PIK3AP1: variants seen among roughly 807,000 people sequenced by gnomAD.
The protein encoded by PIK3AP1 is phosphoinositide 3-kinase adapter protein 1.
PIK3AP1 carries 21 observed loss-of-function variants against 88.1 expected under a neutral mutation model. That is an observed-to-expected ratio of 0.24 (90% CI 0.17 to 0.34). The LOEUF (loss-of-function observed/expected upper bound fraction) is 0.34, where lower values mean the gene tolerates loss of function less well. Ranked by LOEUF, PIK3AP1 falls within the 10% of genes least tolerant of loss-of-function variation. The probability of loss-of-function intolerance (pLI) is 1.00; values close to 1 mark genes in which losing one functional copy is unlikely to be tolerated. For synonymous variants in PIK3AP1, 398 were observed against 400.0 expected (o/e 1.00, Z 0.06); for missense variants, 828 against 1,035.7 (o/e 0.80, Z 2.75).
At chr10:96,645,880 G>T (rs181851278) in intron 7 of PIK3AP1, among the ~76,000 whole-genome samples, 1 of 151,966 alleles carries the variant, frequency 6.6e-6, no homozygotes, top group Admixed American at 6.6e-5. Flanking sequence ...TTTAATCTTC[G>T]TATCTTCCTA....
chr10:96,610,917 T>C (rs368466450), intron 13 of PIK3AP1, among the ~76,000 whole-genome samples: 8 of 152,168 alleles, frequency 5.3e-5, no homozygotes, highest in African/African-American at 1.9e-4. Flanking sequence ...GCGGTGGCTA[T>C]ACAAACTTGG....
intron 2 of PIK3AP1, among the ~76,000 whole-genome samples, chr10:96,705,579 CTTTT>C (rs57429192): frequency 7.5e-6 from 1 of 133,902 alleles, no homozygotes; most frequent in Non-Finnish European, 1.6e-5. Flanking sequence ...CATTGCATTT[CTTTT>C]TTTTTTTTTT....
intron 12 of PIK3AP1, among the ~76,000 whole-genome samples, chr10:96,618,006 A>G (rs1383755515): frequency 6.6e-6 from 1 of 152,222 alleles, no homozygotes; most frequent in Non-Finnish European, 1.5e-5. Flanking sequence ...AGAGAGGCAG[A>G]GGAAAAGGAA....
intron 2 of PIK3AP1, among the ~76,000 whole-genome samples, chr10:96,687,506 T>C (rs911491245): frequency 6.6e-5 from 10 of 152,068 alleles, no homozygotes; most frequent in African/African-American, 2.4e-4. Context: ...CTCCTGAGAG[T>C]GAATGCCCAA....
intron 8 of PIK3AP1, among the ~76,000 whole-genome samples, chr10:96,643,162 C>T (rs1210606562): frequency 2.6e-5 from 4 of 152,086 alleles, no homozygotes; most frequent in Non-Finnish European, 4.4e-5. Context: ...GGCTAGGGGG[C>T]GCCAGAGGCT....
intron 7 of PIK3AP1, among the ~76,000 whole-genome samples, chr10:96,648,105 A>G (rs1843485352): frequency 6.6e-6 from 1 of 152,160 alleles, no homozygotes; most frequent in Non-Finnish European, 1.5e-5. Flanking sequence ...TGGGCCTTAG[A>G]GTTGCTGCCC....
chr10:96,695,420 G>T, intron 2 of PIK3AP1, among the ~76,000 whole-genome samples: 1 of 152,114 alleles, frequency 6.6e-6, no homozygotes, highest in Non-Finnish European at 1.5e-5. Context: ...CATGTAAAAA[G>T]AAACTTATTT....
At chr10:96,640,754 C>T (rs1843373531) in intron 8 of PIK3AP1, among the ~76,000 whole-genome samples, 1 of 151,872 alleles carries the variant, frequency 6.6e-6, no homozygotes, top group Non-Finnish European at 1.5e-5. Context: ...AACGCCCAGG[C>T]TCAAGCGATT....
intron 2 of PIK3AP1, among the ~76,000 whole-genome samples, chr10:96,705,667 C>G (rs1844351804): frequency 2.7e-5 from 4 of 150,812 alleles, no homozygotes; most frequent in Admixed American, 2.6e-4. Flanking sequence ...ACTGCAGCCT[C>G]AACCTCCAAG....
At chr10:96,688,406 A>C (rs1157989685) in intron 2 of PIK3AP1, among the ~76,000 whole-genome samples, 1 of 152,236 alleles carries the variant, frequency 6.6e-6, no homozygotes, top group Non-Finnish European at 1.5e-5. Context: ...TCCTCAGAAA[A>C]TGTTTATAAC....
intron 10 of PIK3AP1, 126 bp from the exon 11 acceptor site, chr10:96,623,663 C>T (rs1843117965): frequency 1.3e-6 from 1 of 780,212 alleles, no homozygotes; most frequent in South Asian, 1.6e-5. Context: ...TAGAAAGAGG[C>T]AATTAATGAG....
At chr10:96,655,616 T>C (rs569416819) in intron 3 of PIK3AP1, among the ~76,000 whole-genome samples, 1 of 152,154 alleles carries the variant, frequency 6.6e-6, no homozygotes, top group Non-Finnish European at 1.5e-5. Context: ...CAATTCCCAG[T>C]GAGAGGAACC....
At chr10:96,664,388 T>G (rs1340246016) in intron 2 of PIK3AP1, among the ~76,000 whole-genome samples, 1 of 152,178 alleles carries the variant, frequency 6.6e-6, no homozygotes, top group Non-Finnish European at 1.5e-5. Context: ...TCTCCCTCCC[T>G]CCTTCCTTCT....
intron 2 of PIK3AP1, among the ~76,000 whole-genome samples, chr10:96,660,361 A>G (rs920836906): frequency 1.3e-5 from 2 of 152,300 alleles, no homozygotes; most frequent in African/African-American, 2.4e-5. Flanking sequence ...AGCCATCTGT[A>G]TATCTTGAAA....
Position 96,699,137 on chromosome 10 carries a change from T to C in PIK3AP1, c.430+10430A>G, listed in dbSNP as rs193204613. Among the ~76,000 whole-genome samples, 28 of 152,258 alleles carry C rather than the reference T, an allele frequency of 1.8e-4. No individual in the cohort carries two copies. The East Asian group carries it at 5.0e-3, about 27-fold the overall frequency. ...AGGTGGAGGTTGCAGTCAGCCGAGATGGTGCCACTGCACTCCAGCCTGGGA... is the reference window on the plus strand; with the variant it reads ...AGGTGGAGGTTGCAGTCAGCCGAGACGGTGCCACTGCACTCCAGCCTGGGA... On this transcript the variant is annotated intron_variant, in intron 2 of 16. Coordinates refer to ENST00000339364, the MANE Select transcript of PIK3AP1 (RefSeq NM_152309.3).
At chr10:96,708,411 C>T (rs1341357770) in intron 2 of PIK3AP1, among the ~76,000 whole-genome samples, 1 of 151,520 alleles carries the variant, frequency 6.6e-6, no homozygotes, top group Non-Finnish European at 1.5e-5. Flanking sequence ...CCCGTCTCTA[C>T]TAAAAATACA....
chr10:96,704,460 G>A lies in PIK3AP1; in HGVS notation c.430+5107C>T, dbSNP rs1481916828. 3.9e-5 allele frequency among the ~76,000 whole-genome samples: 6 copies of A among 152,216 alleles called. No individual in the cohort carries two copies. The South Asian group carries it at 6.2e-4, about 16-fold the overall frequency. On this transcript the variant is annotated intron_variant, in intron 2 of 16. Transcript: ENST00000339364. ...TGGCTGGGTGCGGTGGCTCACGCCT[G>A]TAATCCCAACACTTTGTGAGGCTGA...
At chr10:96,610,004 G>A in intron 13 of PIK3AP1, 137 bp from the exon 14 acceptor site, 1 of 1,065,218 alleles carries the variant, frequency 9.4e-7, no homozygotes, top group Non-Finnish European at 1.4e-6. Flanking sequence ...AAGACGATGG[G>A]AGAGGGAGGG....
chr10:96,604,958 C>CA (rs1564951451), intron 14 of PIK3AP1, among the ~76,000 whole-genome samples: 1 of 152,168 alleles, frequency 6.6e-6, no homozygotes, highest in Non-Finnish European at 1.5e-5. Context: ...CTCCCAGGTT[C>CA]AATGGATTCT....
Sources: gnomAD v4.1 joint callset for allele counts (sites outside exome capture counted in the v4.1 genomes callset) on GRCh38, gnomAD v4.1.1 for gene constraint, MANE v1.5 for transcripts, NCBI Gene and HGNC (gene_info 2026-07-23, HGNC 2026-07-21) for gene names.